The following NCKAP5 variants were observed in gnomAD, a reference collection of about 807,000 sequenced individuals.
The protein encoded by NCKAP5 is NCK associated protein 5.
Under a neutral mutation model 167.0 loss-of-function variants are expected in NCKAP5, and 92 were observed. The ratio of observed to expected loss-of-function variants is 0.55; its 90% confidence interval spans 0.47 to 0.66. The LOEUF (loss-of-function observed/expected upper bound fraction) is 0.66, where lower values mean the gene tolerates loss of function less well. Among genes scored for constraint, NCKAP5 ranks in the 30% least tolerant of loss-of-function variants. The pLI, the probability that NCKAP5 is intolerant of heterozygous loss-of-function variation, is 0.00. For synonymous variants in NCKAP5, 891 were observed against 877.4 expected, an observed-to-expected ratio of 1.02 and a Z score of -0.27; for missense variants, 2,378 against 2,315.0, an observed-to-expected ratio of 1.03 and a Z score of -0.56.
chr2:132,768,731 C>G (rs1443867758), intron 16 of NCKAP5, among the ~76,000 whole-genome samples: 1 of 151,184 alleles, frequency 6.6e-6, no homozygotes, highest in Non-Finnish European at 1.5e-5. Flanking sequence ...GCTCCGCCTC[C>G]CAGGTTCACG....
chr2:133,579,018 A>G, the NCKAP5 span, among the ~76,000 whole-genome samples: 2 of 152,226 alleles, frequency 1.3e-5, no homozygotes, highest in African/African-American at 4.8e-5. Context: ...TAAGATATAT[A>G]AGGCCAGGTA....
At chr2:133,121,803 C>T (rs1028361062) in intron 6 of NCKAP5, among the ~76,000 whole-genome samples, 1 of 152,182 alleles carries the variant, frequency 6.6e-6, no homozygotes, top group Non-Finnish European at 1.5e-5. Flanking sequence ...GCTTTAATCA[C>T]ATTCACTCAA....
At chr2:132,866,984 C>T (rs1690405888) in intron 10 of NCKAP5, among the ~76,000 whole-genome samples, 2 of 152,124 alleles carry the variant, frequency 1.3e-5, no homozygotes, top group South Asian at 4.1e-4. Flanking sequence ...TCTCCAAAAG[C>T]CCCCAGCATC....
intron 6 of NCKAP5, among the ~76,000 whole-genome samples, chr2:133,101,866 C>T (rs2081524413): frequency 6.6e-6 from 1 of 152,084 alleles, no homozygotes; most frequent in South Asian, 2.1e-4. Flanking sequence ...ACAGGGTGCG[C>T]AATTGCAGAA....
chr2:133,261,087 G>A (rs1321363982), intron 4 of NCKAP5, among the ~76,000 whole-genome samples: 1 of 152,188 alleles, frequency 6.6e-6, no homozygotes, highest in African/African-American at 2.4e-5. Flanking sequence ...CAATGAAAAT[G>A]AGCAAAGAAC....
chr2:132,800,467 T>G (rs1443723607), intron 11 of NCKAP5, among the ~76,000 whole-genome samples: 1 of 152,134 alleles, frequency 6.6e-6, no homozygotes, highest in Non-Finnish European at 1.5e-5. Flanking sequence ...TTCAACTGGG[T>G]TTCAGAAATA....
intron 4 of NCKAP5, 149 bp downstream of exon 4, chr2:133,302,888 T>A (rs1348693587): frequency 2.1e-6 from 1 of 471,266 alleles, no homozygotes; most frequent in Non-Finnish European, 3.8e-6. Flanking sequence ...AATTTTGCCA[T>A]TCCAAGATGA....
At chr2:132,964,421 C>T (rs934599297) in intron 7 of NCKAP5, among the ~76,000 whole-genome samples, 1 of 152,198 alleles carries the variant, frequency 6.6e-6, no homozygotes, top group Non-Finnish European at 1.5e-5. Context: ...TTCTGTAACA[C>T]TGTTCAGCAT....
intron 4 of NCKAP5, among the ~76,000 whole-genome samples, chr2:133,294,117 C>G (rs951091621): frequency 6.6e-6 from 1 of 152,170 alleles, no homozygotes; most frequent in Non-Finnish European, 1.5e-5. Flanking sequence ...GCTACACATT[C>G]TCTCCCCAAG....
At chr2:133,372,095 C>T (rs1574822692) in intron 3 of NCKAP5, among the ~76,000 whole-genome samples, 2 of 151,910 alleles carry the variant, frequency 1.3e-5, no homozygotes, top group East Asian at 3.8e-4. Flanking sequence ...GAAAAAGAGC[C>T]CTGTTGTTTC....
intron 6 of NCKAP5, among the ~76,000 whole-genome samples, chr2:133,060,030 G>A (rs1354611343): frequency 6.6e-6 from 1 of 152,128 alleles, no homozygotes; most frequent in African/African-American, 2.4e-5. Context: ...ATTGCAGCCA[G>A]AGAGCCCTAA....
intron 4 of NCKAP5, among the ~76,000 whole-genome samples, chr2:133,296,452 A>C (rs1007096428): frequency 6.6e-6 from 1 of 152,104 alleles, no homozygotes; most frequent in Non-Finnish European, 1.5e-5. Flanking sequence ...AAAAGAAAGA[A>C]TATCTTAAGT....
At chr2:133,139,973 T>G (rs2082937549) in intron 5 of NCKAP5, among the ~76,000 whole-genome samples, 2 of 152,210 alleles carry the variant, frequency 1.3e-5, no homozygotes, top group Non-Finnish European at 2.9e-5. Context: ...ATCTTTTCCT[T>G]GAGTTTATTC....
At chr2:133,125,767 A>ATCT (rs2082384361) in intron 6 of NCKAP5, among the ~76,000 whole-genome samples, 1 of 152,192 alleles carries the variant, frequency 6.6e-6, no homozygotes, top group African/African-American at 2.4e-5. Context: ...CAAGTTTGTT[A>ATCT]TGCCTGTCTG....
At chr2:132,892,802 C>T (rs530078868) in intron 8 of NCKAP5, among the ~76,000 whole-genome samples, 1 of 152,108 alleles carries the variant, frequency 6.6e-6, no homozygotes, top group East Asian at 1.9e-4. Context: ...TATTTATATA[C>T]ACAGTCCTTA....
At chr2:133,382,522 A>C (rs2150953599) in intron 3 of NCKAP5, among the ~76,000 whole-genome samples, 1 of 152,004 alleles carries the variant, frequency 6.6e-6, no homozygotes, top group African/African-American at 2.4e-5. Flanking sequence ...TGCACACCAC[A>C]CTGGTCCCCT....
In NCKAP5 at chr2:133,510,376, T is replaced by C. The variant is rs533640300; in HGVS notation, c.69+7082A>G. On this transcript the variant is annotated intron_variant, in intron 3 of 19. Transcript: ENST00000409261. ...ATAAAAACACAAAATTGTATATATA[T>C]GGGTATGTGTGTACACACACACATG... Among the ~76,000 whole-genome samples, 4 of 147,730 alleles carry C rather than the reference T, an allele frequency of 2.7e-5. No homozygotes were observed. The East Asian group carries it at 7.7e-4, about 28-fold the overall frequency.
At chr2:133,304,598 A>C (rs1261482825) in intron 3 of NCKAP5, among the ~76,000 whole-genome samples, 2 of 152,226 alleles carry the variant, frequency 1.3e-5, no homozygotes, top group Admixed American at 1.3e-4. Flanking sequence ...AGAACACTTG[A>C]CACTATCAAA....
intron 6 of NCKAP5, among the ~76,000 whole-genome samples, chr2:133,030,714 T>C (rs1174459737): frequency 6.6e-6 from 1 of 152,224 alleles, no homozygotes; most frequent in Non-Finnish European, 1.5e-5. Flanking sequence ...TTGGGGATTA[T>C]CTCAGTTCAG....
Sources: gnomAD v4.1 joint callset for allele counts (sites outside exome capture counted in the v4.1 genomes callset) on GRCh38, gnomAD v4.1.1 for gene constraint, MANE v1.5 for transcripts, NCBI Gene and HGNC (gene_info 2026-07-23, HGNC 2026-07-21) for gene names.